DYNC2I1: variants seen among roughly 807,000 people sequenced by gnomAD.
DYNC2I1 encodes the protein cytoplasmic dynein 2 intermediate chain 1.
Under a neutral mutation model 133.4 loss-of-function variants are expected in DYNC2I1, and 89 were observed. The ratio of observed to expected loss-of-function variants is 0.67; its 90% confidence interval spans 0.56 to 0.80. The LOEUF (loss-of-function observed/expected upper bound fraction) is 0.80, where lower values mean the gene tolerates loss of function less well. DYNC2I1 is among the 30% of genes least tolerant of loss of function. The pLI, the probability that DYNC2I1 is intolerant of heterozygous loss-of-function variation, is 0.00. For synonymous variants in DYNC2I1, 504 were observed against 484.3 expected (o/e 1.04, Z -0.54); for missense variants, 1,291 against 1,314.5 (o/e 0.98, Z 0.28).
the DYNC2I1 span, among the ~76,000 whole-genome samples, chr7:158,845,789 A>G: frequency 6.6e-6 from 1 of 152,348 alleles, no homozygotes; most frequent in Non-Finnish European, 1.5e-5. Context: ...TAACAGAACA[A>G]ATGCTTGTAA....
At chr7:158,870,188 TGGGGAGAG>T (rs1842756115) in intron 2 of DYNC2I1, among the ~76,000 whole-genome samples, 1 of 151,798 alleles carries the variant, frequency 6.6e-6, no homozygotes, top group East Asian at 1.9e-4. Flanking sequence ...CAGCGGTGGG[TGGGGAGAG>T]GGGCTTTGGG....
At chr7:158,900,079 TCTTG>T (rs776225187) in intron 8 of DYNC2I1, among the ~76,000 whole-genome samples, 14 of 152,088 alleles carry the variant, frequency 9.2e-5, no homozygotes, top group Non-Finnish European at 1.3e-4. Context: ...TATGCTGTCT[TCTTG>T]CTTGCATGGT....
downstream of DYNC2I1, among the ~76,000 whole-genome samples, chr7:158,957,577 CTA>C (rs1852229988): frequency 6.6e-6 from 1 of 152,214 alleles, no homozygotes; most frequent in South Asian, 2.1e-4. Context: ...GTGCCACGGG[CTA>C]TGAGGAACCG....
At chr7:158,845,781 A>G in the DYNC2I1 span, among the ~76,000 whole-genome samples, 1 of 152,360 alleles carries the variant, frequency 6.6e-6, no homozygotes, top group South Asian at 2.1e-4. Flanking sequence ...GGTAAATGTA[A>G]CAGAACAAAT....
At chr7:158,874,860 G>C (rs1037285679) in intron 3 of DYNC2I1, among the ~76,000 whole-genome samples, 4 of 152,160 alleles carry the variant, frequency 2.6e-5, no homozygotes, top group African/African-American at 9.7e-5. Context: ...CCCACATGAA[G>C]CTTCCGGTAG....
At chr7:158,884,941 C>T (rs888758325) in intron 6 of DYNC2I1, among the ~76,000 whole-genome samples, 3 of 152,046 alleles carry the variant, frequency 2.0e-5, no homozygotes, top group African/African-American at 7.3e-5. Flanking sequence ...TTTGCTCATG[C>T]AAAATTAGAA....
chr7:158,946,561 G>A (rs1851886180), downstream of DYNC2I1, among the ~76,000 whole-genome samples: 1 of 152,232 alleles, frequency 6.6e-6, no homozygotes, highest in Non-Finnish European at 1.5e-5. Flanking sequence ...AGGCCCTGGG[G>A]CCTTCAGCCT....
chr7:158,870,407 G>A (rs937353850), intron 2 of DYNC2I1, among the ~76,000 whole-genome samples: 2 of 152,070 alleles, frequency 1.3e-5, no homozygotes, highest in Admixed American at 6.6e-5. Context: ...AGGCCGGAGT[G>A]CAGTGGCGAA....
At chr7:158,901,425 T>C (rs1366233608) in intron 8 of DYNC2I1, among the ~76,000 whole-genome samples, 1 of 151,978 alleles carries the variant, frequency 6.6e-6, no homozygotes, top group Non-Finnish European at 1.5e-5. Flanking sequence ...CAGCGGGGAA[T>C]ATATTCATGG....
At chr7:158,902,734 G>T in intron 10 of DYNC2I1, 139 bp downstream of exon 10, 1 of 737,090 alleles carries the variant, frequency 1.4e-6, no homozygotes. Flanking sequence ...GTGGTGCCAT[G>T]CCCTTGCAGC....
intron 7 of DYNC2I1, among the ~76,000 whole-genome samples, chr7:158,887,703 T>G (rs537737595): frequency 1.3e-5 from 2 of 152,314 alleles, no homozygotes; most frequent in Admixed American, 1.3e-4. Context: ...CCCCACAAAG[T>G]CGCTCAGGCT....
downstream of DYNC2I1, among the ~76,000 whole-genome samples, chr7:158,957,053 C>T (rs1852217314): frequency 6.6e-6 from 1 of 152,228 alleles, no homozygotes; most frequent in South Asian, 2.1e-4. Flanking sequence ...ACCCTGTTGT[C>T]TGTTGATCTA....
intron 24 of DYNC2I1, among the ~76,000 whole-genome samples, chr7:158,942,891 G>A (rs1396740441): frequency 6.6e-6 from 1 of 152,244 alleles, no homozygotes; most frequent in East Asian, 1.9e-4. Context: ...CAACACCACT[G>A]TTAGGTAGTT....
chr7:158,920,654 A>G (rs1425574531), intron 15 of DYNC2I1, among the ~76,000 whole-genome samples: 1 of 152,212 alleles, frequency 6.6e-6, no homozygotes, highest in Non-Finnish European at 1.5e-5. Flanking sequence ...TGTGTGTTGC[A>G]CTTCCCACAT....
chr7:158,917,897 A>G (rs146836336), intron 14 of DYNC2I1, among the ~76,000 whole-genome samples: 129 of 152,038 alleles, frequency 8.5e-4, no homozygotes, highest in African/African-American at 3.1e-3. Context: ...CACGAATCCT[A>G]TCAATTCTCA....
At chr7:158,882,061 A>G (rs951176643) in intron 5 of DYNC2I1, among the ~76,000 whole-genome samples, 6 of 152,230 alleles carry the variant, frequency 3.9e-5, no homozygotes, top group Non-Finnish European at 5.9e-5. Context: ...GAAGAACATT[A>G]TCCTGTATCT....
At chr7:158,845,314 A>G in the DYNC2I1 span, among the ~76,000 whole-genome samples, 1 of 152,226 alleles carries the variant, frequency 6.6e-6, no homozygotes, top group African/African-American at 2.4e-5. Context: ...CATAAATTAA[A>G]TAGCCCAAAT....
At chr7:158,844,877 T>G in the DYNC2I1 span, among the ~76,000 whole-genome samples, 9 of 152,190 alleles carry the variant, frequency 5.9e-5, no homozygotes, top group African/African-American at 2.2e-4. Context: ...TGCCTCAGTC[T>G]CTCAAAGTGT....
At chr7:158,882,795 G>A (rs939771136) in intron 5 of DYNC2I1, among the ~76,000 whole-genome samples, 1 of 151,102 alleles carries the variant, frequency 6.6e-6, no homozygotes, top group African/African-American at 2.4e-5. Context: ...AGAATTGCTT[G>A]AACCTGGGAG....
Sources: gnomAD v4.1 joint callset for allele counts (sites outside exome capture counted in the v4.1 genomes callset) on GRCh38, gnomAD v4.1.1 for gene constraint, MANE v1.5 for transcripts, NCBI Gene and HGNC (gene_info 2026-07-23, HGNC 2026-07-21) for gene names.